Variants in PTK2 observed in about 807,000 individuals in gnomAD.
PTK2 encodes the protein focal adhesion kinase 1.
A neutral mutation model predicts 150.1 loss-of-function variants in PTK2; 45 were observed. The ratio of observed to expected loss-of-function variants is 0.30; its 90% CI spans 0.24 to 0.38. The LOEUF (loss-of-function observed/expected upper bound fraction) is 0.38, where lower values mean the gene tolerates loss of function less well. Ranked by LOEUF, PTK2 falls within the 10% of genes least tolerant of loss-of-function variation. PTK2 has a pLI of 1.00. For missense variants in PTK2, 919 were observed against 1,307.3 expected (o/e 0.70, Z 4.58); for synonymous variants, 432 against 449.2 (o/e 0.96, Z 0.48).
intron 2 of PTK2, among the ~76,000 whole-genome samples, chr8:140,900,854 G>A (rs1215871646): frequency 6.6e-6 from 1 of 151,914 alleles, no homozygotes; most frequent in African/African-American, 2.4e-5. Context: ...CAGATTCAAT[G>A]GAATCCCTAT....
At chr8:140,784,790 G>T (rs879383264) in intron 14 of PTK2, among the ~76,000 whole-genome samples, 18 of 152,146 alleles carry the variant, frequency 1.2e-4, no homozygotes, top group Admixed American at 2.0e-4. Context: ...TGTTCTGTTA[G>T]ATATTTTTAT....
chr8:140,981,711 T>C (rs991135665), intron 1 of PTK2, among the ~76,000 whole-genome samples: 2 of 152,356 alleles, frequency 1.3e-5, no homozygotes, highest in African/African-American at 4.8e-5. Context: ...AGCCAGCTCA[T>C]TCCTTTACAT....
At chr8:140,836,290 T>G (rs574589223) in intron 7 of PTK2, among the ~76,000 whole-genome samples, 1 of 152,314 alleles carries the variant, frequency 6.6e-6, no homozygotes, top group Admixed American at 6.5e-5. Context: ...AACCTATTGA[T>G]GTTAAGTGAA....
intron 31 of PTK2, among the ~76,000 whole-genome samples, chr8:140,660,808 C>A (rs9324530): frequency 0.41 from 62,017 of 152,076 alleles, 13,501 homozygotes; most frequent in Non-Finnish European, 0.49. Flanking sequence ...CTACAGGGTT[C>A]GAATGCTTTG....
At chr8:140,684,552 A>T (rs1176903598) in intron 27 of PTK2, among the ~76,000 whole-genome samples, 2 of 152,240 alleles carry the variant, frequency 1.3e-5, no homozygotes, top group Non-Finnish European at 2.9e-5. Flanking sequence ...AATCAGTAGC[A>T]TTTCTCTACA....
intron 2 of PTK2, among the ~76,000 whole-genome samples, chr8:140,902,930 T>TG (rs1464479188): frequency 0.059 from 5,235 of 89,256 alleles, 154 homozygotes; most frequent in Non-Finnish European, 0.085. Flanking sequence ...AGTTGTTTTT[T>TG]TTTTTTTTTT....
chr8:140,711,187 A>C (rs1180426597), intron 23 of PTK2, among the ~76,000 whole-genome samples: 3 of 152,094 alleles, frequency 2.0e-5, no homozygotes, highest in Admixed American at 1.3e-4. Flanking sequence ...GCTCGCTGCA[A>C]CCTCTGCCTC....
chr8:140,836,184 C>T (rs902220398), intron 7 of PTK2, among the ~76,000 whole-genome samples: 3 of 152,072 alleles, frequency 2.0e-5, no homozygotes, highest in South Asian at 4.2e-4. Context: ...GTTTTTGTGA[C>T]GAGAAACATT....
At chr8:140,886,155 G>A (rs1868280) in intron 3 of PTK2, among the ~76,000 whole-genome samples, 62,489 of 151,994 alleles carry the variant, frequency 0.41, 14,728 homozygotes, top group Non-Finnish European at 0.54. Flanking sequence ...GAGAGCAAAA[G>A]AGGAATAAAA....
chr8:140,756,046 CG>C (rs1189684424), intron 16 of PTK2, among the ~76,000 whole-genome samples: 4 of 151,966 alleles, frequency 2.6e-5, no homozygotes, highest in African/African-American at 9.7e-5. Flanking sequence ...TTCAACAGGC[CG>C]GGCATGGTGG....
intron 13 of PTK2, among the ~76,000 whole-genome samples, chr8:140,791,817 T>C (rs1489140732): frequency 6.6e-6 from 1 of 152,116 alleles, no homozygotes; most frequent in Non-Finnish European, 1.5e-5. Context: ...AGACAGGATG[T>C]TTGCTCCTGG....
At chr8:140,844,097 C>G (rs903895195) in intron 7 of PTK2, among the ~76,000 whole-genome samples, 6 of 152,056 alleles carry the variant, frequency 3.9e-5, no homozygotes, top group African/African-American at 1.4e-4. Flanking sequence ...TGTTTTTTCT[C>G]GTGATTAGAC....
chr8:140,819,573 T>C (rs2100106921), intron 8 of PTK2, among the ~76,000 whole-genome samples: 2 of 152,372 alleles, frequency 1.3e-5, no homozygotes, highest in Non-Finnish European at 1.5e-5. Context: ...TGTATCTATC[T>C]TCTCAACCAA....
intron 10 of PTK2, among the ~76,000 whole-genome samples, chr8:140,816,682 G>C (rs965747425): frequency 1.3e-5 from 2 of 152,242 alleles, no homozygotes; most frequent in African/African-American, 4.8e-5. Context: ...AAGAAAAACA[G>C]TCAAGACATG....
chr8:140,668,385 G>A, exon 30 of PTK2: 1 of 1,613,684 alleles, frequency 6.2e-7, no homozygotes, highest in South Asian at 1.1e-5. Flanking sequence ...GACCGGTCCA[G>A]GTTGGCAGTA....
intron 1 of PTK2, among the ~76,000 whole-genome samples, chr8:140,999,422 T>C (rs191063514): frequency 6.6e-6 from 1 of 152,322 alleles, no homozygotes; most frequent in Admixed American, 6.5e-5. Flanking sequence ...AACAAGAAGG[T>C]TCAAAATGAT....
At chr8:140,691,195 G>T (rs1263588998) in intron 26 of PTK2, among the ~76,000 whole-genome samples, 1 of 139,804 alleles carries the variant, frequency 7.2e-6, no homozygotes, top group South Asian at 2.3e-4. Context: ...AGAGATGGTT[G>T]GGGGTGGGGG....
intron 5 of PTK2, among the ~76,000 whole-genome samples, chr8:140,859,984 A>T (rs1353713945): frequency 6.6e-6 from 1 of 152,122 alleles, no homozygotes; most frequent in Non-Finnish European, 1.5e-5. Flanking sequence ...AGCAATAAAA[A>T]CTCATAGTAT....
chr8:140,879,406 G>A, intron 4 of PTK2, 65 bp downstream of exon 4: 1 of 1,444,194 alleles, frequency 6.9e-7, no homozygotes. Context: ...TTGTTATCTT[G>A]TGCATGTTTT....
Sources: allele counts gnomAD v4.1 joint callset (sites outside exome capture counted in the v4.1 genomes callset), GRCh38; gene constraint gnomAD v4.1.1; transcripts MANE v1.5; gene names NCBI Gene and HGNC (gene_info 2026-07-23, HGNC 2026-07-21).